NFIX: variants seen among roughly 807,000 people sequenced by gnomAD.
NFIX encodes nuclear factor I X, also known as nuclear factor 1 X-type.
In NFIX, 2 loss-of-function variants were observed where a neutral mutation model predicts 53.3. That is an observed-to-expected ratio of 0.04 (90% CI 0.02 to 0.12). The LOEUF (loss-of-function observed/expected upper bound fraction) is 0.12. Ranked by LOEUF, NFIX falls within the 10% of genes least tolerant of loss-of-function variation. The probability of loss-of-function intolerance (pLI) is 1.00; values close to 1 mark genes in which losing one functional copy is unlikely to be tolerated. For missense variants in NFIX, 310 were observed against 674.5 expected (o/e 0.46, Z 5.99); for synonymous variants, 244 against 289.0 (o/e 0.84, Z 1.58).
At chr19:13,003,738 A>ATTG (rs1398500018) in intron 1 of NFIX, among the ~76,000 whole-genome samples, 19 of 152,058 alleles carry the variant, frequency 1.2e-4, no homozygotes, top group African/African-American at 4.6e-4. Flanking sequence ...TCCCAAGCTC[A>ATTG]AACGATCTAC....
At chr19:13,055,637 G>T (rs2015624919) in intron 2 of NFIX, among the ~76,000 whole-genome samples, 2 of 152,226 alleles carry the variant, frequency 1.3e-5, no homozygotes, top group African/African-American at 4.8e-5. Flanking sequence ...GGGGAGGGGG[G>T]GGTCTGCCTC....
rs772531494 is a variant in NFIX at position 13,075,655 on chromosome 19, C to T, written c.939C>T (p.Pro313=). The part of the protein sequence containing the change: ...AAGSSQSSGW[P]NDVDAGPASL... ...GCAGCAGCCAGTCCAGCGGGTGGCC[C>T]AACGATGTGGATGCAGGTATGGGTG... Residue 313 remains proline (P), a synonymous_variant, in exon 6 of 11, where the codon CCC becomes CCT. Coordinates refer to ENST00000592199, the MANE Select transcript of NFIX (RefSeq NM_001365902.3). 2 of 1,613,552 alleles carry T rather than the reference C, an allele frequency of 1.2e-6. No homozygotes were observed. Among genetic ancestry groups the T allele is most frequent in the East Asian group, 4.5e-5 (2 of 44,876 alleles).
chr19:13,029,559 G>T (rs181976190), intron 2 of NFIX, among the ~76,000 whole-genome samples: 1 of 152,214 alleles, frequency 6.6e-6, no homozygotes, highest in East Asian at 1.9e-4. Flanking sequence ...GTCGTTGAAG[G>T]AAACAGGTTG....
chr19:13,088,278 A>C lies in NFIX; in HGVS notation c.1402+142A>C. On this transcript the variant is annotated intron_variant, in intron 9 of 10. Transcript: ENST00000592199. This position sits in a 1 kb window ranked among gnomAD's most constrained non-coding sequence, Gnocchi z 5.9. The stretch of plus-strand genomic sequence containing the variant: ...AGCACCATGGACAAGAGCAGAGCCG[A>C]GCCCCCCAACCACAGCCTCCCTCCC... 7 of 1,063,888 alleles carry C rather than the reference A, an allele frequency of 6.6e-6. No homozygotes were observed. The highest frequency in any genetic ancestry group is 7.9e-6 in the Non-Finnish European group (6 of 759,494). The allele number at this position is 1,063,888 out of a possible 1,614,324, so 65.9% of individuals were successfully genotyped here.
At position 13,093,087 on chromosome 19, in the gene NFIX, G is replaced by A. The variant is rs1198151377; in HGVS notation, c.1495-1548G>A. Among the ~76,000 whole-genome samples the A allele has an allele frequency of 6.6e-6, 1 of 152,236 alleles. No homozygotes were observed. Among genetic ancestry groups the A allele is most frequent in the South Asian group, 2.1e-4 (1 of 4,834 alleles). On this transcript the variant is annotated intron_variant, in intron 10 of 10. Transcript: ENST00000592199. This position sits in a 1 kb window ranked among gnomAD's most constrained non-coding sequence, Gnocchi z 4.7. ...CTGCACTGTCCATTGTGGTAGCCACGGGCCACGTGTGGCTGTTTACATTTA... is the reference window on the plus strand; with the variant it reads ...CTGCACTGTCCATTGTGGTAGCCACAGGCCACGTGTGGCTGTTTACATTTA...
chr19:13,004,852 T>C (rs1339350793), intron 1 of NFIX, among the ~76,000 whole-genome samples: 1 of 151,226 alleles, frequency 6.6e-6, no homozygotes, highest in Non-Finnish European at 1.5e-5. Context: ...AGTCTCACTC[T>C]GTTGCCCAGG....
intron 1 of NFIX, chr19:13,023,959 C>T: frequency 7.3e-7 from 1 of 1,377,522 alleles, no homozygotes; most frequent in South Asian, 1.3e-5. Flanking sequence ...CCCCCACCCG[C>T]CCCCAACTCA....
Position 13,022,500 on chromosome 19 carries a change from CT to C in NFIX, c.28-2520del, listed in dbSNP as rs1224242859. Among the ~76,000 whole-genome samples the C allele has an allele frequency of 6.6e-6, 1 of 151,926 alleles. No individual in the cohort carries two copies. The highest frequency in any genetic ancestry group is 1.5e-5 in the Non-Finnish European group (1 of 68,010). On this transcript the variant is annotated intron_variant, in intron 1 of 10. Transcript: ENST00000592199. The surrounding 1 kb of genome is among the most constrained non-coding windows in gnomAD (Gnocchi z 4.5). ...TGCTGGCATGGACACTTTCTGAGCT[CT>C]CTTTCTTCTTATTTCTATTCATAGC... is the stretch of plus-strand genomic sequence containing the variant.
rs1438754487 is a variant in NFIX at position 13,002,221 on chromosome 19, T to C, written c.27+6357T>C. Reference sequence around the variant, plus strand: ...TTTCTCTCTCTCTCTTTCCTCCCTCTCTCCTCCCCTCCTCCCCTCCTCCCG... The same window carrying C: ...TTTCTCTCTCTCTCTTTCCTCCCTCCCTCCTCCCCTCCTCCCCTCCTCCCG... On this transcript the variant is annotated intron_variant, in intron 1 of 10. Transcript: ENST00000592199. The surrounding 1 kb of genome is among the most constrained non-coding windows in gnomAD (Gnocchi z 6.1). Among the ~76,000 whole-genome samples, 3 of 147,596 alleles carry C rather than the reference T, an allele frequency of 2.0e-5. No individual in the cohort carries two copies. The highest frequency in any genetic ancestry group is 3.0e-5 in the Non-Finnish European group (2 of 66,868).
intron 6 of NFIX, among the ~76,000 whole-genome samples, chr19:13,077,696 C>T (rs78792966): frequency 6.6e-6 from 1 of 152,218 alleles, no homozygotes; most frequent in Non-Finnish European, 1.5e-5. Context: ...GAGATCTGCC[C>T]CAACTCTACC....
Position 13,051,224 on chromosome 19 carries a change from C to T in NFIX, c.560-21823C>T, listed in dbSNP as rs2015310930. Among the ~76,000 whole-genome samples, 1 of 152,220 alleles carries T rather than the reference C, an allele frequency of 6.6e-6. No individual in the cohort carries two copies. Among genetic ancestry groups the T allele is most frequent in the South Asian group, 2.1e-4 (1 of 4,834 alleles). On this transcript the variant is annotated intron_variant, in intron 2 of 10. Transcript: ENST00000592199. The surrounding 1 kb of genome is among the most constrained non-coding windows in gnomAD (Gnocchi z 5.1). Reference sequence around the variant, plus strand: ...GTCTGGCCCCTATACCAGCCCCACTCAGGGCCAGAGGGCTCTAAATGAGTC... The same window carrying T: ...GTCTGGCCCCTATACCAGCCCCACTTAGGGCCAGAGGGCTCTAAATGAGTC...
In NFIX at chr19:13,014,599, C is replaced by A. The variant is rs550488131; in HGVS notation, c.28-10422C>A. 2.0e-5 allele frequency: 3 copies of A among 152,290 alleles called. No homozygotes were observed. Among genetic ancestry groups the A allele is most frequent in the Non-Finnish European group, 4.4e-5 (3 of 68,062 alleles). 9.4% of individuals were successfully genotyped at this position (152,290 alleles called of 1,614,324 possible). A position where few individuals can be genotyped will look rare whatever the true frequency, so the allele number is the denominator to read the frequency against. On this transcript the variant is annotated intron_variant, in intron 1 of 10. Coordinates refer to ENST00000592199, the MANE Select transcript of NFIX (RefSeq NM_001365902.3). The surrounding 1 kb of genome is among the most constrained non-coding windows in gnomAD (Gnocchi z 4.4). Reference sequence around the variant, plus strand: ...TTTAAATTAAATTGAACAGTTCTTTCTTTCCAGCCCCATATGCAATAGGAA... The same window carrying A: ...TTTAAATTAAATTGAACAGTTCTTTATTTCCAGCCCCATATGCAATAGGAA...
In NFIX at chr19:13,011,711, C is replaced by G. The variant is rs898290170; in HGVS notation, c.28-13310C>G. Among the ~76,000 whole-genome samples, 10 of 152,190 alleles carry G rather than the reference C, an allele frequency of 6.6e-5. No individual in the cohort carries two copies. Among genetic ancestry groups the G allele is most frequent in the African/African-American group, 2.4e-4 (10 of 41,434 alleles). On this transcript the variant is annotated intron_variant, in intron 1 of 10. Transcript: ENST00000592199. The surrounding 1 kb of genome is among the most constrained non-coding windows in gnomAD (Gnocchi z 6.5). The stretch of plus-strand genomic sequence containing the variant: ...CACGAACACTCCCTCCCCAGTGCCT[C>G]TGTGCATTAGGTCGCGTGCCTGTAC...
intron 1 of NFIX, among the ~76,000 whole-genome samples, chr19:13,008,094 C>G (rs1166414278): frequency 6.6e-6 from 1 of 152,194 alleles, no homozygotes; most frequent in East Asian, 1.9e-4. Context: ...GAGGGGGTGA[C>G]AGGGCACTAC....
At position 13,002,971 on chromosome 19, in the gene NFIX, G is replaced by C. The variant is rs1446302195; in HGVS notation, c.27+7107G>C. ...TCTGTGTGAGCCAAGCTGGAGGAAA[G>C]GACAGCATGGAGGTGCACCCGACCC... On this transcript the variant is annotated intron_variant, in intron 1 of 10. Transcript: ENST00000592199. This position sits in a 1 kb window ranked among gnomAD's most constrained non-coding sequence, Gnocchi z 6.1. 6.6e-6 allele frequency among the ~76,000 whole-genome samples: 1 copy of C among 152,186 alleles called. No individual in the cohort carries two copies. Among genetic ancestry groups the C allele is most frequent in the Non-Finnish European group, 1.5e-5 (1 of 68,016 alleles).
chr19:13,089,811 C>A lies in NFIX; in HGVS notation c.1403-488C>A, dbSNP rs950662931. 6.6e-6 allele frequency among the ~76,000 whole-genome samples: 1 copy of A among 152,156 alleles called. No individual in the cohort carries two copies. The highest frequency in any genetic ancestry group is 1.5e-5 in the Non-Finnish European group (1 of 67,994). ...AGGCCTTCCCGAAGCAGGGTGGGGCCGGACTGCCAAAGCCTCCACCCTCCC... is the reference window on the plus strand; with the variant it reads ...AGGCCTTCCCGAAGCAGGGTGGGGCAGGACTGCCAAAGCCTCCACCCTCCC... On this transcript the variant is annotated intron_variant, in intron 9 of 10. Transcript: ENST00000592199. The surrounding 1 kb of genome is among the most constrained non-coding windows in gnomAD (Gnocchi z 4.8).
intron 2 of NFIX, among the ~76,000 whole-genome samples, chr19:13,069,178 G>A (rs2016613127): frequency 6.6e-6 from 1 of 152,204 alleles, no homozygotes; most frequent in Non-Finnish European, 1.5e-5. Context: ...GTATCTCCAG[G>A]GAGCGCTGGG....
In NFIX at chr19:13,090,751, G is replaced by T. The variant is rs576012747; in HGVS notation, c.1494+361G>T. ...CTGCCTCACTGCTTTCACCTGCCCC[G>T]ACTGGAAGCCCCGGCCCCTAGCCCT... On this transcript the variant is annotated intron_variant, in intron 10 of 10. Coordinates refer to ENST00000592199, the MANE Select transcript of NFIX (RefSeq NM_001365902.3). The surrounding 1 kb of genome is among the most constrained non-coding windows in gnomAD (Gnocchi z 6.6). Among the ~76,000 whole-genome samples, 2 of 152,188 alleles carry T rather than the reference G, an allele frequency of 1.3e-5. No homozygotes were observed. Among genetic ancestry groups the T allele is most frequent in the African/African-American group, 4.8e-5 (2 of 41,440 alleles).
Position 13,043,555 on chromosome 19 carries a change from A to G in NFIX, c.559+18003A>G, listed in dbSNP as rs1328414009. On this transcript the variant is annotated intron_variant, in intron 2 of 10. Transcript: ENST00000592199. The surrounding 1 kb of genome is among the most constrained non-coding windows in gnomAD (Gnocchi z 4.0). Reference sequence around the variant, plus strand: ...TGCCACAAGGCCCCTGGGGCTGCCAAGGTCGCACATGTCCTCCCAGGACTT... The same window carrying G: ...TGCCACAAGGCCCCTGGGGCTGCCAGGGTCGCACATGTCCTCCCAGGACTT... Among the ~76,000 whole-genome samples, 1 of 152,210 alleles carries G rather than the reference A, an allele frequency of 6.6e-6. No individual in the cohort carries two copies. The highest frequency in any genetic ancestry group is 1.9e-4 in the East Asian group (1 of 5,200).
Sources: gnomAD v4.1 joint callset for allele counts (sites outside exome capture counted in the v4.1 genomes callset) on GRCh38, gnomAD v4.1.1 for gene constraint, Gnocchi (gnomAD v3.1) non-coding constraint, MANE v1.5 for transcripts, NCBI Gene and HGNC (gene_info 2026-07-23, HGNC 2026-07-21) for gene names.